ZFP62: variants seen among roughly 807,000 people sequenced by gnomAD.
ZFP62 encodes zinc finger protein 62 homolog.
In ZFP62, 44 loss-of-function variants were observed where a neutral mutation model predicts 56.4. The ratio of observed to expected loss-of-function variants is 0.78; its 90% confidence interval spans 0.61 to 1.00. ZFP62 has a LOEUF of 1.00. Ranked by LOEUF, ZFP62 falls within the 50% of genes least tolerant of loss-of-function variation. The probability of loss-of-function intolerance (pLI) is 0.00; values close to 1 mark genes in which losing one functional copy is unlikely to be tolerated. For missense variants in ZFP62, 1,030 were observed against 1,085.7 expected (o/e 0.95, Z 0.72); for synonymous variants, 421 against 388.9 (o/e 1.08, Z -0.97).
At position 180,850,752 on chromosome 5, in the gene ZFP62, G is replaced by C. The variant is rs2113683682; in HGVS notation, c.743C>G (p.Thr248Ser). The C allele has an allele frequency of 6.2e-7, 1 of 1,606,236 alleles. No homozygotes were observed. Among genetic ancestry groups the C allele is most frequent in the Non-Finnish European group, 8.5e-7 (1 of 1,176,144 alleles). The change falls in exon 2 of 2, where the codon ACT becomes AGT. Residue 248 changes from threonine (T) to serine (S), a missense_variant. Coordinates refer to ENST00000502412, the MANE Select transcript of ZFP62 (RefSeq NM_001172638.2). The part of the protein sequence containing the change: ...SVLDQHKRIH[T>S]GEKPYECGEC... ...ACCACATTCATAGGGCTTCTCCCCA[G>C]TGTGGATCCTTTTATGCTGGTCCAG... is the stretch of plus-strand genomic sequence containing the variant.
the ZFP62 span, among the ~76,000 whole-genome samples, chr5:180,836,084 C>T: frequency 2.6e-5 from 4 of 152,328 alleles, no homozygotes; most frequent in South Asian, 4.1e-4. Context: ...TTTGCAGCCC[C>T]GGCGCATTAG....
At chr5:180,827,174 TAA>T in the ZFP62 span, among the ~76,000 whole-genome samples, 1 of 152,226 alleles carries the variant, frequency 6.6e-6, no homozygotes, top group Non-Finnish European at 1.5e-5. Context: ...AGCAGAGGAC[TAA>T]GCTTTCTTTT....
At chr5:180,860,593 T>A (rs984334479) in intron 1 of ZFP62, 2 of 151,432 alleles carry the variant, frequency 1.3e-5, no homozygotes, top group Non-Finnish European at 2.9e-5. Flanking sequence ...TGCACCCGTC[T>A]GTATGCAGGT....
chr5:180,828,704 G>A, the ZFP62 span, among the ~76,000 whole-genome samples: 1 of 152,112 alleles, frequency 6.6e-6, no homozygotes, highest in Non-Finnish European at 1.5e-5. Flanking sequence ...AGTGCACCTT[G>A]AAAAAGAACA....
chr5:180,829,000 C>T, the ZFP62 span, among the ~76,000 whole-genome samples: 1 of 152,230 alleles, frequency 6.6e-6, no homozygotes, highest in Non-Finnish European at 1.5e-5. Flanking sequence ...CTGCAGTACC[C>T]TCAGCCTTAT....
intron 1 of ZFP62, among the ~76,000 whole-genome samples, chr5:180,859,094 C>T (rs1000025661): frequency 6.6e-6 from 1 of 152,118 alleles, no homozygotes; most frequent in Non-Finnish European, 1.5e-5. Flanking sequence ...TTTCAAGAGC[C>T]GAGACAACTC....
rs764983847 is a variant in ZFP62 at position 180,851,230 on chromosome 5, C to A, written c.265G>T (p.Ala89Ser). The A allele has an allele frequency of 6.4e-7, 1 of 1,551,616 alleles. No individual in the cohort carries two copies. The highest frequency in any genetic ancestry group is 1.2e-5 in the South Asian group (1 of 84,062). ...ANIKTEQEGE[A>S]SEKSLHLSPQ... ...CTCAGATGCAAGCTCTTCTCAGATG[C>A]CTCACCTTCCTGTTCTGTCTTTATA... is the stretch of plus-strand genomic sequence containing the variant. The change falls in exon 2 of 2, where the codon GCA (alanine) becomes TCA (serine). Residue 89 changes from alanine to serine, a missense_variant. Physicochemically the swap from Ala to Ser is moderately conservative, Grantham distance 99 (BLOSUM62 1). Coordinates refer to ENST00000502412, the MANE Select transcript of ZFP62 (RefSeq NM_001172638.2).
At chr5:180,846,774 A>C (rs1773422044), downstream of ZFP62, among the ~76,000 whole-genome samples, 1 of 152,116 alleles carries the variant, frequency 6.6e-6, no homozygotes, top group African/African-American at 2.4e-5. Context: ...CATCTACCAG[A>C]ATCTACTCCT....
At chr5:180,827,165 G>A in the ZFP62 span, among the ~76,000 whole-genome samples, 6 of 152,320 alleles carry the variant, frequency 3.9e-5, no homozygotes, top group Non-Finnish European at 7.4e-5. Flanking sequence ...GACAGGAGAA[G>A]CAGAGGACTA....
At chr5:180,854,908 G>C (rs1320383091) in intron 1 of ZFP62, among the ~76,000 whole-genome samples, 1 of 152,202 alleles carries the variant, frequency 6.6e-6, no homozygotes, top group African/African-American at 2.4e-5. Context: ...ACCTTGACTG[G>C]ATCTGTAGCG....
chr5:180,847,897 A>T lies in ZFP62; in HGVS notation c.*895T>A. 1.0e-6 allele frequency: 1 copy of T among 985,458 alleles called. No individual in the cohort carries two copies. Among genetic ancestry groups the T allele is most frequent in the Non-Finnish European group, 1.2e-6 (1 of 829,930 alleles). 61.0% of individuals were successfully genotyped at this position (985,458 alleles called of 1,614,324 possible). A position where few individuals can be genotyped will look rare whatever the true frequency, so the allele number is the denominator to read the frequency against. On this transcript the variant is annotated 3_prime_UTR_variant, in exon 2 of 2. Transcript: ENST00000502412. ...GTTCCTTCTCAGCATTTCTATTCAT[A>T]GGAATCCCTGAATCACTTCTGTCAT...
At chr5:180,829,891 G>C in the ZFP62 span, 7 of 152,156 alleles carry the variant, frequency 4.6e-5, no homozygotes, top group African/African-American at 1.7e-4. Flanking sequence ...CAGCTCATTT[G>C]CTCTCCCTCC....
At chr5:180,854,713 T>C (rs912056111) in intron 1 of ZFP62, among the ~76,000 whole-genome samples, 3 of 152,178 alleles carry the variant, frequency 2.0e-5, no homozygotes, top group African/African-American at 4.8e-5. Context: ...TGAGAATGCA[T>C]TACATGAACT....
chr5:180,860,344 ATAT>A (rs764739088), intron 1 of ZFP62, among the ~76,000 whole-genome samples: 8 of 152,154 alleles, frequency 5.3e-5, no homozygotes, highest in African/African-American at 1.2e-4. Context: ...TACATATTTC[ATAT>A]TATTATTTTT....
At chr5:180,843,855 C>G (rs1773362570), downstream of ZFP62, among the ~76,000 whole-genome samples, 1 of 152,226 alleles carries the variant, frequency 6.6e-6, no homozygotes, top group South Asian at 2.1e-4. Flanking sequence ...AGGTTAAACA[C>G]ATGCTGGGCC....
chr5:180,831,561 C>T, the ZFP62 span: 2 of 152,356 alleles, frequency 1.3e-5, no homozygotes, highest in African/African-American at 2.4e-5. Flanking sequence ...TAGAACCGGC[C>T]TATGCGCCAA....
chr5:180,831,842 TCTTC>T, the ZFP62 span: 1 of 152,432 alleles, frequency 6.6e-6, no homozygotes, highest in Non-Finnish European at 1.5e-5. Flanking sequence ...CCTGGAACTT[TCTTC>T]CTTTTCGTCC....
intron 1 of ZFP62, among the ~76,000 whole-genome samples, chr5:180,856,334 A>G (rs1385065856): frequency 6.6e-6 from 1 of 152,236 alleles, no homozygotes; most frequent in Non-Finnish European, 1.5e-5. Flanking sequence ...TATGTTAATC[A>G]ATACTAAGAT....
At chr5:180,844,529 G>C (rs555190541), downstream of ZFP62, among the ~76,000 whole-genome samples, 1 of 152,168 alleles carries the variant, frequency 6.6e-6, no homozygotes, top group Non-Finnish European at 1.5e-5. Flanking sequence ...CAGCACATCT[G>C]AATATTGCTG....
Sources: allele counts gnomAD v4.1 joint callset (sites outside exome capture counted in the v4.1 genomes callset), GRCh38; gene constraint gnomAD v4.1.1; transcripts MANE v1.5; gene names NCBI Gene and HGNC (gene_info 2026-07-23, HGNC 2026-07-21).